Variants in GNB1 observed in about 807,000 individuals in gnomAD.
GNB1 encodes the protein guanine nucleotide-binding protein G(I)/G(S)/G(T) subunit beta-1.
Under a neutral mutation model 42.9 loss-of-function variants are expected in GNB1, and 2 were observed. That is an observed-to-expected ratio of 0.05 (90% CI 0.02 to 0.15). GNB1 has a LOEUF of 0.15. GNB1 is among the 10% of genes least tolerant of loss of function. GNB1 has a pLI of 1.00. For synonymous variants in GNB1, 183 were observed against 174.7 expected (o/e 1.05, Z -0.38); for missense variants, 193 against 462.2 (o/e 0.42, Z 5.34).
intron 1 of GNB1, among the ~76,000 whole-genome samples, chr1:1,863,402 A>G (rs933763220): frequency 2.0e-5 from 3 of 152,236 alleles, no homozygotes; most frequent in Non-Finnish European, 4.4e-5. Context: ...AACCTGACCA[A>G]TTCAGAAAAG....
At chr1:1,854,970 C>T (rs1043647917) in intron 1 of GNB1, among the ~76,000 whole-genome samples, 5 of 152,004 alleles carry the variant, frequency 3.3e-5, no homozygotes, top group African/African-American at 1.2e-4. Context: ...ACCAGCCTGG[C>T]CAAGATGGTG....
At chr1:1,889,553 G>A (rs1375200292) in intron 1 of GNB1, among the ~76,000 whole-genome samples, 1 of 151,416 alleles carries the variant, frequency 6.6e-6, no homozygotes, top group Non-Finnish European at 1.5e-5. Flanking sequence ...GGCTAAGGCC[G>A]CTAATCCCAG....
At chr1:1,861,727 T>C (rs949364631) in intron 1 of GNB1, among the ~76,000 whole-genome samples, 2 of 151,864 alleles carry the variant, frequency 1.3e-5, no homozygotes, top group African/African-American at 4.8e-5. Context: ...GAGGCTCCAG[T>C]TAGAGCTCAA....
chr1:1,849,787 GTTT>G (rs1191291318), intron 1 of GNB1, among the ~76,000 whole-genome samples: 1 of 152,056 alleles, frequency 6.6e-6, no homozygotes, highest in East Asian at 1.9e-4. Context: ...GGTGTTGAGG[GTTT>G]TTTGTTTATA....
chr1:1,818,666 C>T (rs1297590713), intron 3 of GNB1, among the ~76,000 whole-genome samples: 1 of 152,072 alleles, frequency 6.6e-6, no homozygotes, highest in Non-Finnish European at 1.5e-5. Context: ...AGTTCAAGAC[C>T]AGCCTGGCCA....
At chr1:1,857,264 G>A (rs1195753653) in intron 1 of GNB1, among the ~76,000 whole-genome samples, 3 of 152,124 alleles carry the variant, frequency 2.0e-5, no homozygotes, top group Non-Finnish European at 2.9e-5. Context: ...AAACGAGAAA[G>A]TGGAAAGAGG....
chr1:1,879,902 G>A (rs920976766), intron 1 of GNB1, among the ~76,000 whole-genome samples: 3 of 152,018 alleles, frequency 2.0e-5, no homozygotes, highest in African/African-American at 4.8e-5. Flanking sequence ...TAGATATGCA[G>A]CTGGAAAAAG....
At chr1:1,848,455 T>A (rs1647801594) in intron 1 of GNB1, among the ~76,000 whole-genome samples, 1 of 151,748 alleles carries the variant, frequency 6.6e-6, no homozygotes, top group South Asian at 2.1e-4. Context: ...TGCCTGTCTC[T>A]CCTACCTCCC....
intron 2 of GNB1, among the ~76,000 whole-genome samples, chr1:1,834,137 C>T (rs1647113488): frequency 6.6e-6 from 1 of 152,112 alleles, no homozygotes; most frequent in African/African-American, 2.4e-5. Context: ...TGAGCTCACT[C>T]ACCCATTAGA....
intron 1 of GNB1, among the ~76,000 whole-genome samples, chr1:1,880,386 G>GT (rs60231696): frequency 2.6e-3 from 393 of 152,052 alleles, no homozygotes; most frequent in African/African-American, 9.0e-3. Flanking sequence ...GGATCACGAG[G>GT]TCAGGAGATC....
At chr1:1,881,798 C>T (rs33976483) in intron 1 of GNB1, among the ~76,000 whole-genome samples, 23,002 of 152,174 alleles carry the variant, frequency 0.15, 1,963 homozygotes, top group Middle Eastern at 0.29. Flanking sequence ...ATGTGCTGTG[C>T]TCTTATGCGC....
intron 7 of GNB1, among the ~76,000 whole-genome samples, chr1:1,803,710 G>A (rs556090291): frequency 3.9e-5 from 6 of 152,252 alleles, no homozygotes; most frequent in Non-Finnish European, 8.8e-5. Context: ...AAGGCCGGGC[G>A]CAGCGGCTCA....
At chr1:1,876,379 G>A (rs1649544741) in intron 1 of GNB1, among the ~76,000 whole-genome samples, 1 of 152,124 alleles carries the variant, frequency 6.6e-6, no homozygotes, top group East Asian at 1.9e-4. Flanking sequence ...TCGAACTCCT[G>A]GGTTCAAGCA....
chr1:1,786,288 T>C lies in GNB1; in HGVS notation c.*775A>G, dbSNP rs1043807318. 3.7e-5 allele frequency: 14 copies of C among 381,634 alleles called. No homozygotes were observed. The highest frequency in any genetic ancestry group is 7.4e-5 in the East Asian group (2 of 27,044). 23.6% of individuals were successfully genotyped at this position (381,634 alleles called of 1,614,324 possible). A position where few individuals can be genotyped will look rare whatever the true frequency, so the allele number is the denominator to read the frequency against. On this transcript the variant is annotated 3_prime_UTR_variant, in exon 12 of 12. Transcript: ENST00000378609. ...GAGATTAAAAACTCAACTGAGAAGA[T>C]AGACAGGATGGGTCAGGAGGAACAT...
chr1:1,890,703 C>G (rs1650452756), intron 1 of GNB1, 117 bp downstream of exon 1: 1 of 148,140 alleles, frequency 6.8e-6, no homozygotes, highest in African/African-American at 2.4e-5. Flanking sequence ...CGCACCCGGG[C>G]GGGGCAGGAA....
rs1486397394 is a variant in GNB1 at position 1,832,032 on chromosome 1, T to C, written c.-46-6533A>G. 5.1e-5 allele frequency among the ~76,000 whole-genome samples: 7 copies of C among 136,730 alleles called. No homozygotes were observed. In the East Asian group the frequency reaches 1.5e-3, roughly 29 times the overall value. 89.7% of individuals were successfully genotyped at this position (136,730 alleles called of 152,430 possible). On this transcript the variant is annotated intron_variant, in intron 2 of 11. Transcript: ENST00000378609. ...GAGCCATGACTGTTCCACTACACTC[T>C]AGCCTGAGCACATGGAGTGAGACCT...
intron 1 of GNB1, among the ~76,000 whole-genome samples, chr1:1,857,257 C>T (rs1244426073): frequency 6.6e-6 from 1 of 150,410 alleles, no homozygotes; most frequent in Non-Finnish European, 1.5e-5. Context: ...AAACTGGAAA[C>T]GAGAAAGTGG....
intron 3 of GNB1, among the ~76,000 whole-genome samples, chr1:1,819,044 C>G (rs1297529808): frequency 6.6e-5 from 10 of 152,020 alleles, no homozygotes; most frequent in Non-Finnish European, 1.2e-4. Flanking sequence ...AAGGGATCCA[C>G]CAATGCTAAC....
intron 2 of GNB1, among the ~76,000 whole-genome samples, chr1:1,836,282 GCTGAGCTT>G (rs1647148476): frequency 6.6e-6 from 1 of 151,894 alleles, no homozygotes; most frequent in Non-Finnish European, 1.5e-5. Context: ...CTCGCTGACT[GCTGAGCTT>G]CTGAGGCACT....
Sources: gnomAD v4.1 joint callset for allele counts (sites outside exome capture counted in the v4.1 genomes callset) on GRCh38, gnomAD v4.1.1 for gene constraint, MANE v1.5 for transcripts, NCBI Gene and HGNC (gene_info 2026-07-23, HGNC 2026-07-21) for gene names.